NR2F1-AS1: variants seen among roughly 807,000 people sequenced by gnomAD.
The protein encoded by NR2F1-AS1 is NR2F1 regulatory antisense RNA 1.
Position 93,478,945 on chromosome 5 carries a change from A to T in NR2F1-AS1, n.638+74816T>A, listed in dbSNP as rs970992334. Among the ~76,000 whole-genome samples the T allele has an allele frequency of 6.6e-5, 10 of 152,326 alleles. No homozygotes were observed. In the East Asian group the frequency reaches 1.9e-3, roughly 29 times the overall value. The stretch of plus-strand genomic sequence containing the variant: ...AACGTGGAGGAAAGTGATGTCATGG[A>T]AGACAGTAGAGTAGGATCAATCCCT... On this transcript the variant is annotated intron_variant and non_coding_transcript_variant, in intron 4 of 5. Transcript: ENST00000660523.
rs544224357 is a variant in NR2F1-AS1, at chr5:93,502,094, G to GT, written n.638+51666dup. Among the ~76,000 whole-genome samples, 25 of 152,156 alleles carry GT rather than the reference G, an allele frequency of 1.6e-4. 1 individual carries two copies. The highest frequency in any genetic ancestry group is 1.6e-3 in the Admixed American group (25 of 15,276). On this transcript the variant is annotated intron_variant and non_coding_transcript_variant, in intron 4 of 5. Transcript: ENST00000660523. The stretch of plus-strand genomic sequence containing the variant: ...ATTTTTAAATTAAAGTATGTAAACT[G>GT]TTTTTTTAGACATAATGTTTTTCTA...
chr5:93,478,396 TTTTG>T (rs994990484), intron 4 of NR2F1-AS1, among the ~76,000 whole-genome samples: 6 of 152,086 alleles, frequency 3.9e-5, no homozygotes, highest in African/African-American at 9.7e-5. Context: ...TTTTGTTGTT[TTTTG>T]TTTGTTTGTT....
intron 4 of NR2F1-AS1, among the ~76,000 whole-genome samples, chr5:93,418,588 AAAATAAATAAAT>A (rs56873600): frequency 3.3e-4 from 50 of 149,520 alleles, no homozygotes; most frequent in African/African-American, 9.7e-4. Flanking sequence ...CCGTCTCATA[AAAATAAATAAAT>A]AAATAAATAA....
chr5:93,538,446 A>G (rs1751883140), intron 4 of NR2F1-AS1, among the ~76,000 whole-genome samples: 1 of 152,116 alleles, frequency 6.6e-6, no homozygotes, highest in Non-Finnish European at 1.5e-5. Context: ...CTGCACTCCA[A>G]CCTGGGTGAT....
intron 1 of NR2F1-AS1, chr5:93,569,960 G>C (rs1194813928): frequency 6.6e-6 from 1 of 152,206 alleles, no homozygotes; most frequent in Non-Finnish European, 1.5e-5. Context: ...CCTCCCAACA[G>C]ATTGGCTGGA....
At chr5:93,523,169 GTGTCTGCCATTAC>G (rs1389584520) in intron 4 of NR2F1-AS1, among the ~76,000 whole-genome samples, 1 of 152,132 alleles carries the variant, frequency 6.6e-6, no homozygotes, top group African/African-American at 2.4e-5. Flanking sequence ...GGGGGGAGGG[GTGTCTGCCATTAC>G]TGAGGATTGA....
At chr5:93,562,514 G>C (rs535274226) in intron 2 of NR2F1-AS1, among the ~76,000 whole-genome samples, 1 of 152,014 alleles carries the variant, frequency 6.6e-6, no homozygotes, top group South Asian at 2.1e-4. Context: ...GGCTAGTCTC[G>C]AACTCCTGAG....
chr5:93,466,803 T>A (rs761806277), intron 4 of NR2F1-AS1, among the ~76,000 whole-genome samples: 1 of 149,880 alleles, frequency 6.7e-6, no homozygotes, highest in Non-Finnish European at 1.5e-5. Flanking sequence ...CAAACAATCA[T>A]AAAGCCATTC....
chr5:93,427,228 A>C (rs1749213895), intron 4 of NR2F1-AS1, among the ~76,000 whole-genome samples: 1 of 152,232 alleles, frequency 6.6e-6, no homozygotes, highest in Non-Finnish European at 1.5e-5. Flanking sequence ...TATAAACTTT[A>C]TATCGCTTCT....
chr5:93,547,171 G>C (rs929170205), intron 4 of NR2F1-AS1, among the ~76,000 whole-genome samples: 2 of 152,130 alleles, frequency 1.3e-5, no homozygotes, highest in Admixed American at 6.5e-5. Context: ...ATATGCATAT[G>C]TATATGCATA....
chr5:93,567,106 T>G (rs1341657631), intron 1 of NR2F1-AS1, among the ~76,000 whole-genome samples: 1 of 152,136 alleles, frequency 6.6e-6, no homozygotes, highest in East Asian at 1.9e-4. Flanking sequence ...CTAAAATTCT[T>G]TGGGCAAAAG....
intron 4 of NR2F1-AS1, among the ~76,000 whole-genome samples, chr5:93,491,743 C>G (rs906999690): frequency 5.9e-5 from 9 of 152,180 alleles, no homozygotes; most frequent in African/African-American, 2.2e-4. Context: ...CATCAAGGCT[C>G]CTGGTTCTTG....
At chr5:93,484,519 G>T (rs1174679955) in intron 4 of NR2F1-AS1, among the ~76,000 whole-genome samples, 1 of 152,118 alleles carries the variant, frequency 6.6e-6, no homozygotes, top group African/African-American at 2.4e-5. Flanking sequence ...AAAGACCATT[G>T]ACACTATGAA....
At chr5:93,484,426 T>G (rs1750671841) in intron 4 of NR2F1-AS1, among the ~76,000 whole-genome samples, 2 of 152,176 alleles carry the variant, frequency 1.3e-5, no homozygotes, top group Admixed American at 6.5e-5. Context: ...CCACCAGGCC[T>G]GCCTTACAAG....
chr5:93,532,036 T>C (rs1751746398), intron 4 of NR2F1-AS1, among the ~76,000 whole-genome samples: 1 of 152,178 alleles, frequency 6.6e-6, no homozygotes, highest in South Asian at 2.1e-4. Flanking sequence ...CACAGTTAAA[T>C]ATCATAACAT....
At chr5:93,583,864 C>T (rs1482866663), upstream of NR2F1-AS1, 1 of 152,412 alleles carries the variant, frequency 6.6e-6, no homozygotes, top group Non-Finnish European at 1.5e-5. Flanking sequence ...GCTGTGATTT[C>T]GTCGCCGGCG....
At chr5:93,549,542 T>C (rs1426187237) in intron 4 of NR2F1-AS1, among the ~76,000 whole-genome samples, 1 of 152,036 alleles carries the variant, frequency 6.6e-6, no homozygotes, top group East Asian at 1.9e-4. Flanking sequence ...AACACAGAAT[T>C]ACTTTCTCAT....
At chr5:93,498,232 A>C (rs1456887829) in intron 4 of NR2F1-AS1, among the ~76,000 whole-genome samples, 1 of 152,042 alleles carries the variant, frequency 6.6e-6, no homozygotes, top group Admixed American at 6.6e-5. Flanking sequence ...AATAATAATA[A>C]TAATATATTT....
At chr5:93,531,347 A>T (rs956869074) in intron 4 of NR2F1-AS1, among the ~76,000 whole-genome samples, 1 of 152,148 alleles carries the variant, frequency 6.6e-6, no homozygotes, top group African/African-American at 2.4e-5. Context: ...GAAGGAAGAA[A>T]TCAGACTTTA....
Sources: allele counts gnomAD v4.1 joint callset (sites outside exome capture counted in the v4.1 genomes callset), GRCh38; gene constraint gnomAD v4.1.1; transcripts MANE v1.5; gene names NCBI Gene and HGNC (gene_info 2026-07-23, HGNC 2026-07-21).